Variants in PTPRK observed in about 807,000 individuals in gnomAD.
PTPRK encodes the protein protein tyrosine phosphatase receptor type K, also known as receptor-type tyrosine-protein phosphatase kappa.
In PTPRK, 75 loss-of-function variants were observed where a neutral mutation model predicts 178.0. The ratio of observed to expected loss-of-function variants is 0.42; its 90% CI spans 0.35 to 0.51. The LOEUF is 0.51. Ranked by LOEUF, PTPRK falls within the 20% of genes least tolerant of loss-of-function variation. The probability of loss-of-function intolerance (pLI) is 0.02; values close to 1 mark genes in which losing one functional copy is unlikely to be tolerated. For missense variants in PTPRK, 1,441 were observed against 1,797.8 expected (o/e 0.80, Z 3.59); for synonymous variants, 637 against 620.6 (o/e 1.03, Z -0.39).
chr6:128,164,096 C>A (rs902579131), intron 7 of PTPRK, among the ~76,000 whole-genome samples: 3 of 151,418 alleles, frequency 2.0e-5, no homozygotes, highest in Non-Finnish European at 4.4e-5. Flanking sequence ...CTAGAAGATA[C>A]CCCAGCACCA....
chr6:128,232,639 T>C (rs1180480868), intron 5 of PTPRK, among the ~76,000 whole-genome samples: 1 of 152,230 alleles, frequency 6.6e-6, no homozygotes, highest in Non-Finnish European at 1.5e-5. Context: ...TCCATTTGTA[T>C]ATTCCTTACA....
chr6:128,518,833 C>T, intron 1 of PTPRK: 1 of 362,322 alleles, frequency 2.8e-6, no homozygotes, highest in Non-Finnish European at 5.4e-6. Flanking sequence ...ATGTACGACA[C>T]ATGCTGCCAC....
intron 13 of PTPRK, among the ~76,000 whole-genome samples, chr6:128,029,685 AT>A (rs1774971145): frequency 2.1e-5 from 3 of 144,704 alleles, no homozygotes; most frequent in African/African-American, 7.6e-5. Flanking sequence ...AATAATAATA[AT>A]AATCCAGCCT....
intron 7 of PTPRK, among the ~76,000 whole-genome samples, chr6:128,113,142 C>A (rs898354158): frequency 6.6e-6 from 1 of 152,006 alleles, no homozygotes; most frequent in Non-Finnish European, 1.5e-5. Context: ...GTTCTATCAG[C>A]CTTCCCTTTG....
chr6:128,367,990 TAATGTG>T (rs1835757049), intron 2 of PTPRK, among the ~76,000 whole-genome samples: 1 of 152,184 alleles, frequency 6.6e-6, no homozygotes, highest in Non-Finnish European at 1.5e-5. Context: ...TTTGACTCTC[TAATGTG>T]CATACATAAC....
chr6:128,313,315 T>C (rs1036653760), intron 3 of PTPRK, among the ~76,000 whole-genome samples: 2 of 152,182 alleles, frequency 1.3e-5, no homozygotes, highest in South Asian at 2.1e-4. Context: ...AAGCACCTAA[T>C]TGTTATATTG....
At chr6:128,168,774 C>T (rs147575724) in intron 7 of PTPRK, among the ~76,000 whole-genome samples, 1 of 151,978 alleles carries the variant, frequency 6.6e-6, no homozygotes, top group Non-Finnish European at 1.5e-5. Context: ...GTCCCTGGTG[C>T]CAATAAGGTT....
intron 1 of PTPRK, among the ~76,000 whole-genome samples, chr6:128,476,384 G>T (rs1366085931): frequency 1.3e-5 from 2 of 151,946 alleles, no homozygotes; most frequent in African/African-American, 2.4e-5. Context: ...ACTTTTATTT[G>T]TTGTTGGTTA....
intron 1 of PTPRK, among the ~76,000 whole-genome samples, chr6:128,514,455 T>G (rs1287240780): frequency 6.6e-6 from 1 of 151,828 alleles, no homozygotes; most frequent in Non-Finnish European, 1.5e-5. Flanking sequence ...ACAAAATAAA[T>G]ACAAACAATA....
At chr6:128,247,162 T>C (rs890409225) in intron 3 of PTPRK, among the ~76,000 whole-genome samples, 3 of 152,186 alleles carry the variant, frequency 2.0e-5, no homozygotes, top group African/African-American at 7.2e-5. Flanking sequence ...GAAGACTGAA[T>C]GGTATATGTG....
Position 128,042,998 on chromosome 6 carries a change from G to A in PTPRK, c.2194+21760C>T, listed in dbSNP as rs115042492. ...TTCCGTTTCATTAGTCACTTAATGC[G>A]ACATTCCTAGAATTAAAGGCAATAA... On this transcript the variant is annotated intron_variant, in intron 13 of 29. Transcript: ENST00000368226. Among the ~76,000 whole-genome samples, 6 of 151,874 alleles carry A rather than the reference G, an allele frequency of 4.0e-5. No homozygotes were observed. The East Asian group carries it at 5.8e-4, about 15-fold the overall frequency.
At position 128,520,468 on chromosome 6, in the gene PTPRK, A is replaced by G; in HGVS notation, c.-110T>C. On this transcript the variant is annotated 5_prime_UTR_variant, in exon 1 of 30. Transcript: ENST00000368226. ...GGCCTCGCGGGGTGAGGACGGTGAG[A>G]GGACAGCCGCCCGCCCGCCCTTTTT... The G allele has an allele frequency of 1.0e-6, 1 of 992,990 alleles. No homozygotes were observed. Among genetic ancestry groups the G allele is most frequent in the Non-Finnish European group, 1.5e-6 (1 of 656,104 alleles). 61.5% of individuals were successfully genotyped at this position (992,990 alleles called of 1,614,324 possible). A position where few individuals can be genotyped will look rare whatever the true frequency, so the allele number is the denominator to read the frequency against.
chr6:128,014,196 T>C (rs1397366329), intron 13 of PTPRK, among the ~76,000 whole-genome samples: 1 of 151,638 alleles, frequency 6.6e-6, no homozygotes, highest in Non-Finnish European at 1.5e-5. Context: ...GACATTAACA[T>C]AAGATGAACT....
Position 128,066,231 on chromosome 6 carries a change from T to C in PTPRK, c.2157+1288A>G, listed in dbSNP as rs566384458. Among the ~76,000 whole-genome samples the C allele has an allele frequency of 9.2e-5, 14 of 152,250 alleles. No individual in the cohort carries two copies. The East Asian group carries it at 2.3e-3, about 25-fold the overall frequency. ...TATAGTAGCCCAGTTGTAACAGTGG[T>C]ATGGAATGATATGTAGGCAGAAAGT... On this transcript the variant is annotated intron_variant, in intron 12 of 29. Coordinates refer to ENST00000368226, the MANE Select transcript of PTPRK (RefSeq NM_002844.4).
chr6:128,511,329 G>A (rs978307703), intron 1 of PTPRK, among the ~76,000 whole-genome samples: 11 of 152,122 alleles, frequency 7.2e-5, no homozygotes, highest in African/African-American at 2.7e-4. Flanking sequence ...CCATTAGAAA[G>A]ATTACAAACC....
At chr6:128,329,785 A>C (rs1830032576) in intron 2 of PTPRK, among the ~76,000 whole-genome samples, 1 of 152,286 alleles carries the variant, frequency 6.6e-6, no homozygotes, top group African/African-American at 2.4e-5. Context: ...AAACATACAC[A>C]CACACACACA....
At chr6:128,020,648 G>C (rs991423868) in intron 13 of PTPRK, among the ~76,000 whole-genome samples, 1 of 152,156 alleles carries the variant, frequency 6.6e-6, no homozygotes, top group Admixed American at 6.5e-5. Context: ...AATCACATTT[G>C]AATATTAGAG....
At chr6:128,372,258 G>C (rs1836403592) in intron 2 of PTPRK, among the ~76,000 whole-genome samples, 1 of 152,162 alleles carries the variant, frequency 6.6e-6, no homozygotes, top group Non-Finnish European at 1.5e-5. Flanking sequence ...CAAAGGAATG[G>C]ACTTCAAAAG....
chr6:128,250,412 C>T (rs1476407853), intron 3 of PTPRK, among the ~76,000 whole-genome samples: 2 of 152,160 alleles, frequency 1.3e-5, no homozygotes, highest in African/African-American at 4.8e-5. Flanking sequence ...AATGGATTGT[C>T]ATGTTCCTCA....
Sources: gnomAD v4.1 joint callset for allele counts (sites outside exome capture counted in the v4.1 genomes callset) on GRCh38, gnomAD v4.1.1 for gene constraint, MANE v1.5 for transcripts, NCBI Gene and HGNC (gene_info 2026-07-23, HGNC 2026-07-21) for gene names.